Variants in TNS1 observed in about 807,000 individuals in gnomAD.
TNS1 encodes tensin-1.
TNS1 carries 62 observed loss-of-function variants against 168.6 expected under a neutral mutation model. That is an observed-to-expected ratio of 0.37 (90% CI 0.30 to 0.45). TNS1 has a LOEUF of 0.45. Among genes scored for constraint, TNS1 ranks in the 20% least tolerant of loss-of-function variants. The probability of loss-of-function intolerance (pLI) is 1.00; values close to 1 mark genes in which losing one functional copy is unlikely to be tolerated. For missense variants in TNS1, 2,240 were observed against 2,339.4 expected, an observed-to-expected ratio of 0.96 and a Z score of 0.88; for synonymous variants, 934 against 933.2, an observed-to-expected ratio of 1.00 and a Z score of -0.02.
chr2:217,983,371 G>A (rs143246875), intron 2 of TNS1, among the ~76,000 whole-genome samples: 45 of 152,254 alleles, frequency 3.0e-4, no homozygotes, highest in Non-Finnish European at 5.0e-4. Flanking sequence ...CTGTCCAACC[G>A]GAGCTCCATG....
At chr2:217,835,029 C>T in intron 21 of TNS1, 62 bp downstream of exon 21, 2 of 1,455,332 alleles carry the variant, frequency 1.4e-6, no homozygotes, top group Non-Finnish European at 1.8e-6. Flanking sequence ...CTCCCACAGG[C>T]AGGGTTGAGC....
chr2:217,847,010 C>T (rs1379756512), intron 19 of TNS1, among the ~76,000 whole-genome samples: 1 of 152,192 alleles, frequency 6.6e-6, no homozygotes, highest in African/African-American at 2.4e-5. Flanking sequence ...TCTACAAAGG[C>T]CTCCCTCCAG....
rs1947097978 is a variant in TNS1 at position 217,848,999 on chromosome 2, A to T, written c.1518T>A (p.Ala506=). 4 of 1,613,686 alleles carry T rather than the reference A, an allele frequency of 2.5e-6. No homozygotes were observed. Among genetic ancestry groups the T allele is most frequent in the Non-Finnish European group, 3.4e-6 (4 of 1,179,944 alleles). ...ACAGTGTAGGACGTGTGGCATTAAC[A>T]GCCCCGGTGCTGCCGTGCAGGGAGT... is the stretch of plus-strand genomic sequence containing the variant. ...KKDSLHGSTG[A]VNATRPTLSA... is the part of the protein sequence containing the mutation. Residue 506 remains alanine, a synonymous_variant, in exon 19 of 33, where the codon GCT becomes GCA. Transcript: ENST00000682258.
intron 3 of TNS1, among the ~76,000 whole-genome samples, chr2:217,962,867 AGG>A (rs1957533426): frequency 6.6e-6 from 1 of 152,166 alleles, no homozygotes; most frequent in Non-Finnish European, 1.5e-5. Context: ...GATCAGAAAA[AGG>A]GCAGTGGTGG....
chr2:217,952,989 G>A (rs568284712), intron 3 of TNS1, among the ~76,000 whole-genome samples: 9 of 152,334 alleles, frequency 5.9e-5, no homozygotes, highest in African/African-American at 9.6e-5. Context: ...GCTCAATGAC[G>A]TCAACCCTAG....
intron 19 of TNS1, among the ~76,000 whole-genome samples, chr2:217,846,978 G>A (rs138312128): frequency 2.6e-5 from 4 of 152,306 alleles, no homozygotes; most frequent in South Asian, 4.1e-4. Flanking sequence ...CTCTAGGAGC[G>A]GGACCTAAGA....
At chr2:217,919,618 G>A (rs552049586) in intron 4 of TNS1, among the ~76,000 whole-genome samples, 1 of 152,332 alleles carries the variant, frequency 6.6e-6, no homozygotes. Context: ...GGTGGAGCAG[G>A]GCCCTCTCTA....
chr2:217,931,129 G>A (rs1327144958), intron 3 of TNS1, among the ~76,000 whole-genome samples: 6 of 152,176 alleles, frequency 3.9e-5, no homozygotes, highest in Admixed American at 2.0e-4. Context: ...CTTGTGGCCC[G>A]GTGGGGGAGA....
intron 3 of TNS1, among the ~76,000 whole-genome samples, chr2:217,945,836 C>G (rs1407916506): frequency 1.3e-5 from 2 of 152,174 alleles, no homozygotes; most frequent in Non-Finnish European, 1.5e-5. Flanking sequence ...AAGGGCTCCT[C>G]TGGGGCTTGG....
intron 22 of TNS1, among the ~76,000 whole-genome samples, chr2:217,824,635 G>T (rs1389237704): frequency 6.6e-6 from 1 of 152,128 alleles, no homozygotes; most frequent in African/African-American, 2.4e-5. Context: ...AGTGTCTTTA[G>T]TCTTGGGCAA....
chr2:217,961,913 G>C (rs1957505637), intron 3 of TNS1, among the ~76,000 whole-genome samples: 1 of 152,202 alleles, frequency 6.6e-6, no homozygotes, highest in Non-Finnish European at 1.5e-5. Flanking sequence ...ACCTTGAAAA[G>C]GTGGGTGGCC....
At position 217,866,424 on chromosome 2, in the gene TNS1, G is replaced by C. The variant is rs866036342; in HGVS notation, c.1429+14474C>G. On this transcript the variant is annotated intron_variant, in intron 18 of 32. Transcript: ENST00000682258. ...TGTATCTCCTCTCCTGCTTGGACCTGCCCGGGTGGCTTCAGGCTCCAAACT... is the reference window on the plus strand; with the variant it reads ...TGTATCTCCTCTCCTGCTTGGACCTCCCCGGGTGGCTTCAGGCTCCAAACT... Among the ~76,000 whole-genome samples the C allele has an allele frequency of 7.2e-5, 11 of 152,208 alleles. No individual in the cohort carries two copies. In the South Asian group the frequency reaches 1.2e-3, roughly 17 times the overall value.
rs1177008155 is a variant in TNS1, at chr2:217,804,328, C to T, written c.*131G>A. On this transcript the variant is annotated 3_prime_UTR_variant, in exon 33 of 33. Transcript: ENST00000682258. ...TCTGCAATTCACTTCCCTCTCCCCACGTTGCACTTTCTTCTCTCCTCCGAA... is the reference window on the plus strand; with the variant it reads ...TCTGCAATTCACTTCCCTCTCCCCATGTTGCACTTTCTTCTCTCCTCCGAA... 6.4e-6 allele frequency: 7 copies of T among 1,086,654 alleles called. No individual in the cohort carries two copies. The highest frequency in any genetic ancestry group is 8.1e-6 in the Non-Finnish European group (6 of 742,526). The allele number at this position is 1,086,654 out of a possible 1,614,324, so 67.3% of individuals were successfully genotyped here.
chr2:218,018,150 G>GC (rs371882750), intron 1 of TNS1, among the ~76,000 whole-genome samples: 143 of 152,242 alleles, frequency 9.4e-4, no homozygotes, highest in African/African-American at 3.2e-3. Flanking sequence ...AATTTCCTGA[G>GC]CCCCCGCAGC....
chr2:218,026,893 T>C (rs1157028406), intron 1 of TNS1, among the ~76,000 whole-genome samples: 1 of 152,216 alleles, frequency 6.6e-6, no homozygotes, highest in Non-Finnish European at 1.5e-5. Flanking sequence ...CAGGTGAAAC[T>C]GAGCCAAGAG....
At chr2:217,878,665 A>G (rs6714677) in intron 18 of TNS1, among the ~76,000 whole-genome samples, 5,077 of 152,230 alleles carry the variant, frequency 0.033, 301 homozygotes, top group African/African-American at 0.12. Flanking sequence ...AAAACACCAC[A>G]TGCAGTCCTT....
intron 3 of TNS1, among the ~76,000 whole-genome samples, chr2:217,975,799 C>A (rs1957879842): frequency 1.3e-5 from 2 of 152,204 alleles, no homozygotes; most frequent in Non-Finnish European, 2.9e-5. Context: ...CCCAGCCCCT[C>A]CTCACTGCTT....
chr2:217,915,990 T>C (rs1277026264), intron 4 of TNS1, among the ~76,000 whole-genome samples: 2 of 152,218 alleles, frequency 1.3e-5, no homozygotes, highest in African/African-American at 4.8e-5. Context: ...CAGACCACCG[T>C]GTCAGAATCC....
At chr2:217,912,010 A>C (rs1238672419) in intron 4 of TNS1, among the ~76,000 whole-genome samples, 1 of 152,238 alleles carries the variant, frequency 6.6e-6, no homozygotes, top group Non-Finnish European at 1.5e-5. Context: ...CACAGGGTGG[A>C]TAAGGGAAGC....
Sources: gnomAD v4.1 joint callset for allele counts (sites outside exome capture counted in the v4.1 genomes callset) on GRCh38, gnomAD v4.1.1 for gene constraint, MANE v1.5 for transcripts, NCBI Gene and HGNC (gene_info 2026-07-23, HGNC 2026-07-21) for gene names.